Variants in SYCP2 observed in about 807,000 individuals in gnomAD.
SYCP2 encodes synaptonemal complex lateral element protein.
In SYCP2, 55 loss-of-function variants were observed where a neutral mutation model predicts 211.3. That is an observed-to-expected ratio of 0.26 (90% confidence interval 0.21 to 0.33). The LOEUF (loss-of-function observed/expected upper bound fraction) is 0.33. Ranked by LOEUF, SYCP2 falls within the 10% of genes least tolerant of loss-of-function variation. SYCP2 has a pLI of 1.00. For missense variants in SYCP2, 1,731 were observed against 1,752.0 expected (o/e 0.99, Z 0.21); for synonymous variants, 570 against 555.2 (o/e 1.03, Z -0.37).
At chr20:59,898,021 T>C (rs866189160) in intron 18 of SYCP2, among the ~76,000 whole-genome samples, 21 of 152,292 alleles carry the variant, frequency 1.4e-4, no homozygotes, top group African/African-American at 3.8e-4. Flanking sequence ...GGAGAATCAC[T>C]TGAACCCAAG....
At chr20:59,886,152 G>A (rs1349777277) in intron 25 of SYCP2, among the ~76,000 whole-genome samples, 188 bp from the exon 26 acceptor site, 1 of 151,958 alleles carries the variant, frequency 6.6e-6, no homozygotes, top group Admixed American at 6.6e-5. Context: ...TAGAGCATTC[G>A]AAGCTGAATC....
chr20:59,921,876 G>C (rs1037368737), intron 3 of SYCP2, among the ~76,000 whole-genome samples: 23 of 151,536 alleles, frequency 1.5e-4, no homozygotes, highest in African/African-American at 5.5e-4. Context: ...GCACCTTTTA[G>C]AAATTATGCC....
chr20:59,918,806 TAAATG>T (rs1180469269), intron 7 of SYCP2, among the ~76,000 whole-genome samples: 4 of 152,156 alleles, frequency 2.6e-5, no homozygotes, highest in Admixed American at 6.5e-5. Context: ...GAACCCTAAT[TAAATG>T]AAATGTTATT....
intron 14 of SYCP2, among the ~76,000 whole-genome samples, chr20:59,908,569 T>C (rs1034832385): frequency 1.3e-5 from 2 of 152,224 alleles, no homozygotes; most frequent in African/African-American, 4.8e-5. Flanking sequence ...CAATAATTGT[T>C]ATCATCTACC....
chr20:59,916,725 A>G (rs1471323146), intron 7 of SYCP2, among the ~76,000 whole-genome samples, 154 bp from the exon 8 acceptor site: 2 of 152,080 alleles, frequency 1.3e-5, no homozygotes. Flanking sequence ...AGACTGCTTG[A>G]GCCCAGGAGT....
At chr20:59,896,364 CCTTAA>C (rs1380629115) in intron 19 of SYCP2, 60 bp downstream of exon 19, 4 of 862,262 alleles carry the variant, frequency 4.6e-6, no homozygotes, top group Admixed American at 2.3e-5. Context: ...TTCAGAATTG[CCTTAA>C]ATTAAAAAAT....
intron 3 of SYCP2, 22 bp downstream of exon 3, chr20:59,922,368 C>T (rs1360984125): frequency 2.6e-6 from 4 of 1,559,168 alleles, no homozygotes; most frequent in African/African-American, 2.8e-5. Context: ...AAAATACTTA[C>T]TTTTGGTCTA....
chr20:59,914,471 A>C (rs1001776611), intron 10 of SYCP2, among the ~76,000 whole-genome samples: 1 of 151,980 alleles, frequency 6.6e-6, no homozygotes. Flanking sequence ...GAAATAAGTA[A>C]AATTTAAAAA....
rs776810564 is a variant in SYCP2, at chr20:59,868,890, A to C, written c.3777T>G (p.Ser1259Arg). 5.6e-6 allele frequency: 9 copies of C among 1,609,880 alleles called. No individual in the cohort carries two copies. Among genetic ancestry groups the C allele is most frequent in the Middle Eastern group, 3.3e-4 (2 of 6,038 alleles). ...SHLASSLSKS[S>R]EGREKTWFDM... ...CAAACCACGTTTTCTCTCTTCCTTC[A>C]CTAGACTTGGATAATGAAGATGCTA... The change falls in exon 37 of 45, where the codon AGT (serine) becomes AGG (arginine). Residue 1259 changes from serine to arginine, a missense_variant. Ser to Arg is a moderately radical substitution (Grantham distance 110, BLOSUM62 -1). Coordinates refer to ENST00000357552, the MANE Select transcript of SYCP2 (RefSeq NM_014258.4).
intron 33 of SYCP2, among the ~76,000 whole-genome samples, chr20:59,875,830 G>C (rs922014330): frequency 1.3e-5 from 2 of 152,094 alleles, no homozygotes; most frequent in Non-Finnish European, 2.9e-5. Context: ...ACTGCGAATA[G>C]AGAAGACTTC....
rs1208944561 is a variant in SYCP2, at chr20:59,896,430, T to A, written c.1503A>T (p.Thr501=). The A allele has an allele frequency of 7.2e-6, 11 of 1,522,214 alleles. No homozygotes were observed. The highest frequency in any genetic ancestry group is 1.4e-5 in the African/African-American group (1 of 72,692). 94.3% of individuals were successfully genotyped at this position (1,522,214 alleles called of 1,614,324 possible). Residue 501 remains threonine, a splice_region_variant and synonymous_variant, in exon 19 of 45, where the codon ACA becomes ACT. Transcript: ENST00000357552. The stretch of plus-strand genomic sequence containing the variant: ...ATCTTTTAAAACTATAAAACTTACA[T>A]GTGTTGCTGAAAAGCACTGGACTTC... The part of the protein sequence containing the change: ...TMRSPVLFSN[T]SIPPRRRRIK...
In SYCP2 at chr20:59,900,299, GA is replaced by G. The variant is rs761331130; in HGVS notation, c.1258-16del. On this transcript the variant is annotated splice_polypyrimidine_tract_variant and intron_variant, in intron 17 of 44. Transcript: ENST00000357552. ...GGCACTAGAATCTGTTGGAGAATAT[GA>G]AAAAAAAAGTATTTAAAACTGCAAA... The G allele has an allele frequency of 7.3e-5, 113 of 1,550,012 alleles. No homozygotes were observed. The highest frequency in any genetic ancestry group is 3.0e-4 in the South Asian group (25 of 82,006).
intron 2 of SYCP2, among the ~76,000 whole-genome samples, chr20:59,925,830 CTTTT>C (rs901454663): frequency 1.1e-4 from 16 of 151,940 alleles, no homozygotes; most frequent in African/African-American, 3.4e-4. Context: ...TGTTAGATTT[CTTTT>C]TTTAAGAAAA....
At chr20:59,877,945 A>G in intron 32 of SYCP2, 63 bp downstream of exon 32, 1 of 1,293,504 alleles carries the variant, frequency 7.7e-7, no homozygotes, top group African/African-American at 1.5e-5. Context: ...ATGATGAATT[A>G]TTTTTATATG....
At chr20:59,909,266 T>C (rs1161032569) in intron 14 of SYCP2, among the ~76,000 whole-genome samples, 1 of 152,216 alleles carries the variant, frequency 6.6e-6, no homozygotes, top group East Asian at 1.9e-4. Context: ...ATATCTCTAC[T>C]TACAGCTCAA....
At chr20:59,883,635 C>CT (rs1486394573) in intron 26 of SYCP2, among the ~76,000 whole-genome samples, 139 of 145,004 alleles carry the variant, frequency 9.6e-4, no homozygotes, top group African/African-American at 3.7e-3. Flanking sequence ...TATGTGGAAT[C>CT]TTAAAAAAAA....
At chr20:59,906,985 A>C (rs1167936042) in intron 15 of SYCP2, among the ~76,000 whole-genome samples, 1 of 152,204 alleles carries the variant, frequency 6.6e-6, no homozygotes, top group Non-Finnish European at 1.5e-5. Context: ...AATATGTCTT[A>C]ATATCTAAAT....
intron 36 of SYCP2, among the ~76,000 whole-genome samples, chr20:59,869,523 A>G (rs111699013): frequency 2.6e-4 from 40 of 151,830 alleles, no homozygotes; most frequent in African/African-American, 9.6e-4. Context: ...ACGAAACCAG[A>G]AAGTGCCTAT....
intron 18 of SYCP2, among the ~76,000 whole-genome samples, chr20:59,899,387 A>G (rs143167572): frequency 6.6e-6 from 1 of 152,216 alleles, no homozygotes; most frequent in Admixed American, 6.5e-5. Flanking sequence ...ATACAAATGG[A>G]AATACAGAAA....
Sources: gnomAD v4.1 joint callset for allele counts (sites outside exome capture counted in the v4.1 genomes callset) on GRCh38, gnomAD v4.1.1 for gene constraint, MANE v1.5 for transcripts, NCBI Gene and HGNC (gene_info 2026-07-23, HGNC 2026-07-21) for gene names.